SRRM3: variants seen among roughly 807,000 people sequenced by gnomAD.
SRRM3 encodes serine/arginine repetitive matrix protein 3.
Under a neutral mutation model 66.2 loss-of-function variants are expected in SRRM3, and 27 were observed. That is an observed-to-expected ratio of 0.41 (90% CI 0.30 to 0.56). The LOEUF (loss-of-function observed/expected upper bound fraction) is 0.56. Ranked by LOEUF, SRRM3 falls within the 20% of genes least tolerant of loss-of-function variation. The pLI, the probability that SRRM3 is intolerant of heterozygous loss-of-function variation, is 0.32. For synonymous variants in SRRM3, 391 were observed against 414.9 expected (o/e 0.94, Z 0.70); for missense variants, 918 against 991.9 (o/e 0.93, Z 1.00).
At chr7:76,215,120 G>A (rs11979016) in intron 1 of SRRM3, among the ~76,000 whole-genome samples, 15,043 of 150,360 alleles carry the variant, frequency 0.1, 1,377 homozygotes, top group African/African-American at 0.24. Flanking sequence ...GTGATAAAAT[G>A]ATCAGATTTG....
At chr7:76,259,719 T>C (rs1314292865) in intron 3 of SRRM3, among the ~76,000 whole-genome samples, 187 bp from the exon 4 acceptor site, 1 of 152,154 alleles carries the variant, frequency 6.6e-6, no homozygotes, top group Non-Finnish European at 1.5e-5. Context: ...GTAGGGGATG[T>C]GCCCCGTTGG....
rs782636737 is a variant in SRRM3 at position 76,265,359 on chromosome 7, G to T, written c.726-5G>T. ...GTACAGGCTGATTTCCCCCATCCAC[G>T]CCAGGCCTCACACAGAGTCCCCAGG... On this transcript the variant is annotated splice_region_variant and splice_polypyrimidine_tract_variant and intron_variant, in intron 9 of 14. Coordinates refer to ENST00000611745, the MANE Select transcript of SRRM3 (RefSeq NM_001110199.3). The T allele has an allele frequency of 3.8e-6, 6 of 1,592,620 alleles. No homozygotes were observed. The highest frequency in any genetic ancestry group is 5.1e-6 in the Non-Finnish European group (6 of 1,169,974).
chr7:76,237,132 G>C (rs897947970), intron 2 of SRRM3, among the ~76,000 whole-genome samples: 1 of 152,006 alleles, frequency 6.6e-6, no homozygotes. Flanking sequence ...AAAAGGCCAG[G>C]TGCGGTGGCT....
chr7:76,216,171 C>T (rs555353518), intron 1 of SRRM3, among the ~76,000 whole-genome samples: 9 of 151,666 alleles, frequency 5.9e-5, no homozygotes, highest in East Asian at 1.9e-4. Context: ...CCAGGCTGGT[C>T]GTGAACTTCT....
chr7:76,277,746 G>GAAAAAAAAAAGAAAA (rs59619771), intron 11 of SRRM3, among the ~76,000 whole-genome samples: 1 of 106,770 alleles, frequency 9.4e-6, no homozygotes, highest in Non-Finnish European at 1.9e-5. Context: ...GAGAGAGAGA[G>GAAAAAAAAAAGAAAA]AAAGAAAGAA....
intron 11 of SRRM3, among the ~76,000 whole-genome samples, chr7:76,271,112 C>T (rs187622930): frequency 6.6e-6 from 1 of 152,156 alleles, no homozygotes; most frequent in East Asian, 1.9e-4. Context: ...ACAGGAGAAA[C>T]TGCAGCTCCG....
chr7:76,251,674 C>T (rs1455929692), intron 3 of SRRM3, among the ~76,000 whole-genome samples: 1 of 152,012 alleles, frequency 6.6e-6, no homozygotes. Flanking sequence ...GCGCCCGGCC[C>T]CCAGCAGCAC....
At chr7:76,243,572 G>T (rs1016860097) in intron 2 of SRRM3, among the ~76,000 whole-genome samples, 2 of 152,130 alleles carry the variant, frequency 1.3e-5, no homozygotes, top group Non-Finnish European at 2.9e-5. Context: ...GCCGCTGCAG[G>T]TCTCCCTGAA....
chr7:76,261,721 C>T (rs1487748379), intron 8 of SRRM3, 140 bp downstream of exon 8: 6 of 943,724 alleles, frequency 6.4e-6, no homozygotes, highest in South Asian at 2.8e-5. Context: ...AGCCAGGCTG[C>T]GGGGACAGGG....
At position 76,210,054 on chromosome 7, in the gene SRRM3, G is replaced by A. The variant is rs558282664; in HGVS notation, c.-40+7987G>A. On this transcript the variant is annotated intron_variant, in intron 1 of 14. Coordinates refer to ENST00000611745, the MANE Select transcript of SRRM3 (RefSeq NM_001110199.3). ...AAAGGAAGAGACCTAGAGCAGAGAG[G>A]TCAGGGAGGTGTCTGTCTGCCTATT... is the stretch of plus-strand genomic sequence containing the variant. Among the ~76,000 whole-genome samples, 4 of 152,334 alleles carry A rather than the reference G, an allele frequency of 2.6e-5. No individual in the cohort carries two copies. The East Asian group carries it at 7.7e-4, about 29-fold the overall frequency.
chr7:76,206,945 A>C (rs186394863), intron 1 of SRRM3, among the ~76,000 whole-genome samples: 2,420 of 152,026 alleles, frequency 0.016, 60 homozygotes, highest in African/African-American at 0.055. Context: ...TGACCCATTT[A>C]CTCAGACCCC....
At chr7:76,238,441 A>G (rs1801200857) in intron 2 of SRRM3, among the ~76,000 whole-genome samples, 1 of 152,210 alleles carries the variant, frequency 6.6e-6, no homozygotes, top group Admixed American at 6.6e-5. Context: ...CTTTGGCCTC[A>G]TTAAAAAGCA....
At chr7:76,253,238 G>A (rs1368108673) in intron 3 of SRRM3, among the ~76,000 whole-genome samples, 2 of 152,180 alleles carry the variant, frequency 1.3e-5, no homozygotes, top group Middle Eastern at 3.4e-3. Context: ...CGTAATCCCA[G>A]CACTTTGGGA....
At chr7:76,245,313 A>G (rs1023977447) in intron 2 of SRRM3, among the ~76,000 whole-genome samples, 2 of 152,190 alleles carry the variant, frequency 1.3e-5, no homozygotes, top group African/African-American at 2.4e-5. Flanking sequence ...AAAGGAAAAA[A>G]CAAAACATAC....
chr7:76,283,409 C>G, intron 14 of SRRM3: 1 of 528,020 alleles, frequency 1.9e-6, no homozygotes, highest in Non-Finnish European at 3.5e-6. Flanking sequence ...CTGGGTGGGC[C>G]GCAGCCGGCA....
rs782523165 is a variant in SRRM3, at chr7:76,267,370, G to C, written c.943G>C (p.Gly315Arg). 6.2e-6 allele frequency: 9 copies of C among 1,460,324 alleles called. No homozygotes were observed. The Admixed American group carries it at 1.2e-4, about 20-fold the overall frequency. The allele number at this position is 1,460,324 out of a possible 1,614,324, so 90.5% of individuals were successfully genotyped here. ...GSGWGSPQRNGGSGQRSGAHG... is the reference protein window; with the variant it reads ...GSGWGSPQRNRGSGQRSGAHG... ...CGGATGGGGGTCGCCCCAGCGGAAC[G>C]GCGGCAGCGGGCAGCGGAGCGGAGC... The change falls in exon 11 of 15, where the codon GGC becomes CGC. Residue 315 changes from glycine (G) to arginine (R), a missense_variant. Gly to Arg is a moderately radical substitution (Grantham distance 125, BLOSUM62 -2). Transcript: ENST00000611745.
At chr7:76,228,946 T>C (rs1362375532) in intron 1 of SRRM3, among the ~76,000 whole-genome samples, 1 of 150,044 alleles carries the variant, frequency 6.7e-6, no homozygotes. Flanking sequence ...TCACCCAGGC[T>C]GGAGTGCAGT....
rs549125863 is a variant in SRRM3 at position 76,250,504 on chromosome 7, G to A, written c.335+2215G>A. ...CCGCCTCGGCCTCCCAAAGTGCTGG[G>A]ATTACAGGCATGAGCCACCACACCC... On this transcript the variant is annotated intron_variant, in intron 3 of 14. Coordinates refer to ENST00000611745, the MANE Select transcript of SRRM3 (RefSeq NM_001110199.3). 1.6e-3 allele frequency among the ~76,000 whole-genome samples: 246 copies of A among 152,314 alleles called. 1 individual carries two copies. The highest frequency in any genetic ancestry group is 5.7e-3 in the African/African-American group (238 of 41,566).
intron 1 of SRRM3, among the ~76,000 whole-genome samples, chr7:76,232,752 G>C (rs1176594541): frequency 6.6e-6 from 1 of 152,122 alleles, no homozygotes; most frequent in South Asian, 2.1e-4. Flanking sequence ...TGGTGGAGAC[G>C]GGGCTGGACC....
Sources: gnomAD v4.1 joint callset for allele counts (sites outside exome capture counted in the v4.1 genomes callset) on GRCh38, gnomAD v4.1.1 for gene constraint, MANE v1.5 for transcripts, NCBI Gene and HGNC (gene_info 2026-07-23, HGNC 2026-07-21) for gene names.